The following HMGA2 variants were observed in gnomAD, a reference collection of about 807,000 sequenced individuals.
The protein encoded by HMGA2 is high mobility group protein HMGI-C.
Under a neutral mutation model 19.1 loss-of-function variants are expected in HMGA2, and 8 were observed. The observed-to-expected ratio is 0.42, with a 90% CI of 0.25 to 0.76. HMGA2 has a LOEUF of 0.76. HMGA2 is among the 30% of genes least tolerant of loss of function. The probability of loss-of-function intolerance (pLI) is 0.28; values close to 1 mark genes in which losing one functional copy is unlikely to be tolerated. For missense variants in HMGA2, 109 were observed against 136.3 expected, an observed-to-expected ratio of 0.80 and a Z score of 1.00; for synonymous variants, 60 against 48.8, an observed-to-expected ratio of 1.23 and a Z score of -0.96.
intron 3 of HMGA2, chr12:65,867,549 A>C (rs1312206890): frequency 2.2e-6 from 1 of 451,420 alleles, no homozygotes; most frequent in Non-Finnish European, 4.5e-6. Flanking sequence ...CCGTATCCTC[A>C]TGATACTGAC....
intron 3 of HMGA2, among the ~76,000 whole-genome samples, chr12:65,901,657 A>C (rs560894671): frequency 1.3e-5 from 2 of 152,234 alleles, no homozygotes; most frequent in Non-Finnish European, 2.9e-5. Flanking sequence ...TTTACTAAAC[A>C]TTCCTTAAAT....
chr12:65,934,654 G>A (rs1875832222), intron 3 of HMGA2: 1 of 152,172 alleles, frequency 6.6e-6, no homozygotes, highest in South Asian at 2.1e-4. Flanking sequence ...CTTTTGTTCT[G>A]ATGCTTACAT....
At chr12:65,850,847 G>A (rs530025197) in intron 3 of HMGA2, among the ~76,000 whole-genome samples, 15 of 152,212 alleles carry the variant, frequency 9.9e-5, no homozygotes, top group African/African-American at 3.6e-4. Context: ...ATTTAGAAAG[G>A]AGATTTCATG....
chr12:65,928,527 T>A (rs1051358775), intron 3 of HMGA2, among the ~76,000 whole-genome samples: 6 of 152,242 alleles, frequency 3.9e-5, no homozygotes, highest in African/African-American at 1.4e-4. Context: ...TTACTGTAAC[T>A]TTTTTACTTT....
At chr12:65,938,224 A>T (rs771883917) in intron 3 of HMGA2, among the ~76,000 whole-genome samples, 15 of 152,224 alleles carry the variant, frequency 9.9e-5, no homozygotes, top group African/African-American at 1.2e-4. Flanking sequence ...AGAAAGAAAG[A>T]ATCTGAAGCT....
intron 4 of HMGA2, chr12:65,952,093 C>A (rs1431786129): frequency 3.0e-5 from 11 of 361,702 alleles, no homozygotes; most frequent in Admixed American, 2.5e-4. Flanking sequence ...TTGAAGAAAA[C>A]AAAACTGAAG....
intron 2 of HMGA2, among the ~76,000 whole-genome samples, chr12:65,836,055 GAA>G (rs1870703887): frequency 6.6e-6 from 1 of 152,112 alleles, no homozygotes; most frequent in South Asian, 2.1e-4. Context: ...GGGTGTGAAG[GAA>G]TACTTGCATT....
chr12:65,918,107 T>G (rs897872182), intron 3 of HMGA2, among the ~76,000 whole-genome samples: 1 of 152,186 alleles, frequency 6.6e-6, no homozygotes, highest in Non-Finnish European at 1.5e-5. Context: ...TGAAATGCCC[T>G]TGTGAAGTGC....
intron 3 of HMGA2, among the ~76,000 whole-genome samples, chr12:65,947,152 C>T (rs927713127): frequency 1.3e-5 from 2 of 151,212 alleles, no homozygotes; most frequent in Admixed American, 6.6e-5. Context: ...CAGAGTCTTG[C>T]TCCGTCACCC....
chr12:65,842,030 A>T, intron 3 of HMGA2: 2 of 1,210,922 alleles, frequency 1.7e-6, no homozygotes, highest in South Asian at 1.4e-5. Context: ...ACTGGATTTC[A>T]GATCTATTGT....
chr12:65,868,313 A>AT (rs59633297), intron 3 of HMGA2, among the ~76,000 whole-genome samples: 38 of 148,800 alleles, frequency 2.6e-4, no homozygotes, highest in East Asian at 7.9e-4. Flanking sequence ...TTCTGGCTTC[A>AT]TTTTTTTTTT....
chr12:65,939,781 G>A (rs750211826), intron 3 of HMGA2, among the ~76,000 whole-genome samples: 2 of 152,164 alleles, frequency 1.3e-5, no homozygotes, highest in African/African-American at 2.4e-5. Flanking sequence ...CACCAGCCAG[G>A]GAACACAGAG....
At chr12:65,943,307 T>C (rs531266511) in intron 3 of HMGA2, among the ~76,000 whole-genome samples, 1 of 152,292 alleles carries the variant, frequency 6.6e-6, no homozygotes, top group South Asian at 2.1e-4. Flanking sequence ...TTTAAAGGGC[T>C]TCCCATTGAT....
intron 3 of HMGA2, among the ~76,000 whole-genome samples, chr12:65,892,945 C>G (rs1163586647): frequency 6.6e-6 from 1 of 152,144 alleles, no homozygotes; most frequent in Non-Finnish European, 1.5e-5. Flanking sequence ...CCCTCTGGCT[C>G]AAAGACTCTC....
At chr12:65,927,428 G>A (rs1026457151) in intron 3 of HMGA2, among the ~76,000 whole-genome samples, 2 of 152,176 alleles carry the variant, frequency 1.3e-5, no homozygotes, top group African/African-American at 2.4e-5. Context: ...TGGTTTTGCT[G>A]CCAAATATAA....
At chr12:65,922,432 TC>T (rs768825469) in intron 3 of HMGA2, among the ~76,000 whole-genome samples, 42 of 152,280 alleles carry the variant, frequency 2.8e-4, no homozygotes, top group Admixed American at 1.2e-3. Context: ...ATTTCGGACT[TC>T]CATGGGCCCT....
At chr12:65,861,846 CTT>C (rs1346372420) in intron 3 of HMGA2, among the ~76,000 whole-genome samples, 14 of 134,094 alleles carry the variant, frequency 1.0e-4, no homozygotes, top group Non-Finnish European at 8.2e-5. Context: ...CAACATGTTT[CTT>C]TTTTTTTTTT....
chr12:65,909,926 C>T (rs1874770454), intron 3 of HMGA2, among the ~76,000 whole-genome samples: 1 of 152,202 alleles, frequency 6.6e-6, no homozygotes. Context: ...TCACGTAGTC[C>T]TCTCTTAGGA....
At chr12:65,922,920 C>T (rs536197790) in intron 3 of HMGA2, among the ~76,000 whole-genome samples, 4 of 152,164 alleles carry the variant, frequency 2.6e-5, no homozygotes, top group Admixed American at 1.3e-4. Context: ...TTTCTCTTGC[C>T]ACCACCATGT....
Sources: allele counts gnomAD v4.1 joint callset (sites outside exome capture counted in the v4.1 genomes callset), GRCh38; gene constraint gnomAD v4.1.1; transcripts MANE v1.5; gene names NCBI Gene and HGNC (gene_info 2026-07-23, HGNC 2026-07-21).